Variants in AGBL1 observed in about 807,000 individuals in gnomAD.
AGBL1 encodes cytosolic carboxypeptidase 4.
In AGBL1, 130 loss-of-function variants were observed where a neutral mutation model predicts 118.9. The ratio of observed to expected loss-of-function variants is 1.09; its 90% confidence interval spans 0.95 to 1.26. The LOEUF is 1.26. Among genes scored for constraint, AGBL1 ranks in the 50% most tolerant of loss-of-function variants. The probability of loss-of-function intolerance (pLI) is 0.00; values close to 1 mark genes in which losing one functional copy is unlikely to be tolerated. For synonymous variants in AGBL1, 555 were observed against 478.9 expected, an observed-to-expected ratio of 1.16 and a Z score of -2.08; for missense variants, 1,584 against 1,298.1, an observed-to-expected ratio of 1.22 and a Z score of -3.38.
Position 86,814,783 on chromosome 15 carries a change from T to A in AGBL1, c.3159-92304T>A, listed in dbSNP as rs937925329. On this transcript the variant is annotated intron_variant, in intron 22 of 22. Transcript: ENST00000614907. ...CCAAAGAAAACAGTCAATTTTTGAT[T>A]TCTTAAACAAGTTAATTCTTTGGGA... is the stretch of plus-strand genomic sequence containing the variant. Among the ~76,000 whole-genome samples, 3 of 152,220 alleles carry A rather than the reference T, an allele frequency of 2.0e-5. No homozygotes were observed. In the East Asian group the frequency reaches 5.8e-4, roughly 29 times the overall value.
chr15:86,714,027 C>T (rs2086601066), intron 22 of AGBL1, among the ~76,000 whole-genome samples: 1 of 152,062 alleles, frequency 6.6e-6, no homozygotes, highest in Non-Finnish European at 1.5e-5. Flanking sequence ...TAACCTGTGT[C>T]GATAGCTGAA....
At chr15:86,806,508 A>T (rs1420743551) in intron 22 of AGBL1, among the ~76,000 whole-genome samples, 2 of 152,164 alleles carry the variant, frequency 1.3e-5, no homozygotes, top group African/African-American at 4.8e-5. Context: ...TTCCATGATG[A>T]TGTGGTAGTT....
intron 23 of AGBL1, among the ~76,000 whole-genome samples, chr15:86,927,976 A>G (rs530749964): frequency 2.0e-5 from 3 of 152,228 alleles, no homozygotes; most frequent in African/African-American, 7.2e-5. Context: ...TATTGTGAGC[A>G]TGTGTGTATA....
intron 23 of AGBL1, among the ~76,000 whole-genome samples, chr15:86,969,838 A>C (rs2081089687): frequency 6.6e-6 from 1 of 151,976 alleles, no homozygotes; most frequent in South Asian, 2.1e-4. Flanking sequence ...CTATTAACCA[A>C]ATCAGGAGCT....
chr15:86,736,886 T>G (rs2077609963), intron 22 of AGBL1, among the ~76,000 whole-genome samples: 1 of 152,212 alleles, frequency 6.6e-6, no homozygotes, highest in Non-Finnish European at 1.5e-5. Context: ...ATCATGCATT[T>G]GGAATCCTCA....
intron 23 of AGBL1, among the ~76,000 whole-genome samples, chr15:86,965,570 A>T (rs2081042425): frequency 6.6e-6 from 1 of 151,880 alleles, no homozygotes; most frequent in Non-Finnish European, 1.5e-5. Flanking sequence ...ATTTTCTCCC[A>T]TTCTGTAGAT....
intron 22 of AGBL1, among the ~76,000 whole-genome samples, chr15:86,726,097 A>C (rs2086814438): frequency 6.6e-6 from 1 of 152,244 alleles, no homozygotes; most frequent in South Asian, 2.1e-4. Context: ...GCTTGTTTAG[A>C]GTACATTGTG....
At chr15:86,720,291 A>G (rs1185232891) in intron 22 of AGBL1, among the ~76,000 whole-genome samples, 2 of 152,170 alleles carry the variant, frequency 1.3e-5, no homozygotes, top group African/African-American at 4.8e-5. Flanking sequence ...TAACACTACT[A>G]TCTACCCAGT....
intron 16 of AGBL1, among the ~76,000 whole-genome samples, chr15:86,294,750 GT>G (rs2079605141): frequency 6.6e-6 from 1 of 151,690 alleles, no homozygotes; most frequent in Non-Finnish European, 1.5e-5. Flanking sequence ...TTTTTAAATT[GT>G]TTGCTAATTT....
At chr15:86,134,784 T>C (rs1005017322) in intron 1 of AGBL1, among the ~76,000 whole-genome samples, 1 of 151,770 alleles carries the variant, frequency 6.6e-6, no homozygotes, top group Non-Finnish European at 1.5e-5. Context: ...CAGTTAATTT[T>C]TTTAATTTTT....
chr15:86,831,346 C>T (rs1031814243), intron 22 of AGBL1, among the ~76,000 whole-genome samples: 1 of 152,176 alleles, frequency 6.6e-6, no homozygotes, highest in Non-Finnish European at 1.5e-5. Flanking sequence ...CTTATTTTAG[C>T]ATTAACTCAA....
chr15:86,716,312 T>A (rs1402835531), intron 22 of AGBL1, among the ~76,000 whole-genome samples: 1 of 152,002 alleles, frequency 6.6e-6, no homozygotes, highest in Admixed American at 6.5e-5. Context: ...AAGTTAGCAT[T>A]GCTGCATGGG....
chr15:86,250,562 A>AAAAACAAAAC (rs1567155382), intron 7 of AGBL1, among the ~76,000 whole-genome samples: 1 of 136,704 alleles, frequency 7.3e-6, no homozygotes, highest in African/African-American at 3.1e-5. Context: ...AAAAAAAAAA[A>AAAAACAAAAC]AAAAAAAAAA....
chr15:87,024,167 A>G (rs1395501705), intron 24 of AGBL1, among the ~76,000 whole-genome samples: 4 of 152,030 alleles, frequency 2.6e-5, no homozygotes, highest in African/African-American at 4.8e-5. Context: ...AACAACAACA[A>G]AAATATAAAA....
intron 22 of AGBL1, among the ~76,000 whole-genome samples, chr15:86,783,641 T>G (rs987603724): frequency 8.5e-5 from 13 of 152,160 alleles, no homozygotes; most frequent in Admixed American, 6.5e-4. Flanking sequence ...TTTATTTGTA[T>G]TTTTTTGAGA....
At chr15:86,635,222 G>A (rs936538866) in intron 21 of AGBL1, among the ~76,000 whole-genome samples, 2 of 143,896 alleles carry the variant, frequency 1.4e-5, no homozygotes, top group East Asian at 2.1e-4. Flanking sequence ...GGGTGGCAGG[G>A]GATATAATCA....
At chr15:86,553,433 G>T (rs545164823) in intron 20 of AGBL1, among the ~76,000 whole-genome samples, 2 of 152,234 alleles carry the variant, frequency 1.3e-5, no homozygotes, top group South Asian at 2.1e-4. Flanking sequence ...CCCAAGAAAA[G>T]GTGGAACATA....
At chr15:86,516,306 A>G (rs1257812471) in intron 18 of AGBL1, among the ~76,000 whole-genome samples, 2 of 152,188 alleles carry the variant, frequency 1.3e-5, no homozygotes, top group African/African-American at 4.8e-5. Context: ...TTATTTGGTA[A>G]TAAAATGGGA....
chr15:86,155,169 T>C (rs1379906917), intron 4 of AGBL1, among the ~76,000 whole-genome samples: 1 of 152,190 alleles, frequency 6.6e-6, no homozygotes, highest in Admixed American at 6.5e-5. Flanking sequence ...AAAAAGAAAC[T>C]TTAAAGAGTA....
Sources: allele counts gnomAD v4.1 joint callset (sites outside exome capture counted in the v4.1 genomes callset), GRCh38; gene constraint gnomAD v4.1.1; transcripts MANE v1.5; gene names NCBI Gene and HGNC (gene_info 2026-07-23, HGNC 2026-07-21).